Variants in PITPNM2 observed in about 807,000 individuals in gnomAD.
PITPNM2 encodes membrane-associated phosphatidylinositol transfer protein 2.
A neutral mutation model predicts 132.2 loss-of-function variants in PITPNM2; 35 were observed. The observed-to-expected ratio is 0.26, with a 90% CI of 0.20 to 0.35. PITPNM2 has a LOEUF of 0.35. Ranked by LOEUF, PITPNM2 falls within the 10% of genes least tolerant of loss-of-function variation. The pLI is 1.00. For synonymous variants in PITPNM2, 738 were observed against 799.2 expected, an observed-to-expected ratio of 0.92 and a Z score of 1.29; for missense variants, 1,332 against 1,912.0, an observed-to-expected ratio of 0.70 and a Z score of 5.66.
chr12:122,998,009 T>G (rs1000096373), intron 10 of PITPNM2, among the ~76,000 whole-genome samples: 3 of 152,194 alleles, frequency 2.0e-5, no homozygotes, highest in Non-Finnish European at 4.4e-5. Context: ...CCTGTGTGTG[T>G]CTGTCTTGGC....
chr12:122,995,295 C>A, intron 14 of PITPNM2, 94 bp downstream of exon 14: 1 of 1,484,286 alleles, frequency 6.7e-7, no homozygotes, highest in East Asian at 2.3e-5. Context: ...GCAGACAGCC[C>A]GGGTCTCCTG....
rs1292806210 is a variant in PITPNM2, at chr12:123,106,384, T to A, written c.-96+4001A>T. Among the ~76,000 whole-genome samples, 2 of 151,194 alleles carry A rather than the reference T, an allele frequency of 1.3e-5. No individual in the cohort carries two copies. Among genetic ancestry groups the A allele is most frequent in the Non-Finnish European group, 2.9e-5 (2 of 67,872 alleles). ...GCCTGGGTGGCAGAGCAAGACTCCA[T>A]CTCTAAAATAAGTAAATAATTCCTT... On this transcript the variant is annotated intron_variant, in intron 2 of 25. Coordinates refer to ENST00000320201, the MANE Select transcript of PITPNM2 (RefSeq NM_020845.3). This position sits in a 1 kb window ranked among gnomAD's most constrained non-coding sequence, Gnocchi z 4.4.
intron 2 of PITPNM2, among the ~76,000 whole-genome samples, chr12:123,041,473 G>A (rs1401914385): frequency 6.6e-6 from 1 of 152,148 alleles, no homozygotes; most frequent in Non-Finnish European, 1.5e-5. Flanking sequence ...CTTTCTCCCT[G>A]GTTGAGCTGA....
chr12:123,032,204 C>T lies in PITPNM2; in HGVS notation c.78+2309G>A, dbSNP rs1358274085. 2.6e-5 allele frequency among the ~76,000 whole-genome samples: 4 copies of T among 152,230 alleles called. 1 individual carries two copies. Among genetic ancestry groups the T allele is most frequent in the Non-Finnish European group, 5.9e-5 (4 of 68,046 alleles). ...TCAAAAAAACCCTGAAGTGGCTGGG[C>T]ATCGTGGCTCACGCCTGTAATCCCA... On this transcript the variant is annotated intron_variant, in intron 3 of 25. Coordinates refer to ENST00000320201, the MANE Select transcript of PITPNM2 (RefSeq NM_020845.3).
chr12:123,029,833 G>C (rs2040012167), intron 3 of PITPNM2, among the ~76,000 whole-genome samples: 2 of 150,254 alleles, frequency 1.3e-5, no homozygotes, highest in East Asian at 1.9e-4. Flanking sequence ...GTGTCTGTGT[G>C]TGTGTGTGTG....
intron 2 of PITPNM2, among the ~76,000 whole-genome samples, chr12:123,094,363 T>C (rs1317684067): frequency 6.6e-6 from 1 of 152,160 alleles, no homozygotes; most frequent in Non-Finnish European, 1.5e-5. Context: ...GGGAGGTGAC[T>C]CCGGCTGACC....
chr12:123,010,304 T>G (rs2039131978), intron 5 of PITPNM2, among the ~76,000 whole-genome samples: 1 of 152,172 alleles, frequency 6.6e-6, no homozygotes, highest in Non-Finnish European at 1.5e-5. Context: ...GGTCTTGCTA[T>G]GTTGCCCAGG....
At chr12:123,103,339 C>T (rs1027767336) in intron 2 of PITPNM2, among the ~76,000 whole-genome samples, 1 of 152,190 alleles carries the variant, frequency 6.6e-6, no homozygotes, top group Admixed American at 6.5e-5. Flanking sequence ...CTTATTTGTT[C>T]GGGCCTGACA....
intron 2 of PITPNM2, among the ~76,000 whole-genome samples, chr12:123,110,008 A>T (rs947764774): frequency 6.6e-6 from 1 of 152,206 alleles, no homozygotes; most frequent in Non-Finnish European, 1.5e-5. Context: ...CTCAGGCTGG[A>T]GTGAAGTAGT....
rs935394297 is a variant in PITPNM2 at position 123,108,591 on chromosome 12, C to T, written c.-96+1794G>A. Among the ~76,000 whole-genome samples the T allele has an allele frequency of 6.6e-6, 1 of 152,182 alleles. No individual in the cohort carries two copies. Among genetic ancestry groups the T allele is most frequent in the African/African-American group, 2.4e-5 (1 of 41,444 alleles). Reference sequence around the variant, plus strand: ...GGGCTGAGTGTTACTATGTGCCCTCCCCTACATCCACTCCCAGTAGCTGGG... The same window carrying T: ...GGGCTGAGTGTTACTATGTGCCCTCTCCTACATCCACTCCCAGTAGCTGGG... On this transcript the variant is annotated intron_variant, in intron 2 of 25. Coordinates refer to ENST00000320201, the MANE Select transcript of PITPNM2 (RefSeq NM_020845.3). The surrounding 1 kb of genome is among the most constrained non-coding windows in gnomAD (Gnocchi z 4.4).
chr12:123,064,012 C>T lies in PITPNM2; in HGVS notation c.-95-29327G>A, dbSNP rs1189845330. On this transcript the variant is annotated intron_variant, in intron 2 of 25. Coordinates refer to ENST00000320201, the MANE Select transcript of PITPNM2 (RefSeq NM_020845.3). The surrounding 1 kb of genome is among the most constrained non-coding windows in gnomAD (Gnocchi z 4.0). ...GCAACAGCAGCAGCCGCTATTATTA[C>T]TATAATGATGATGGTGATGGTGATG... Among the ~76,000 whole-genome samples the T allele has an allele frequency of 6.6e-6, 1 of 151,986 alleles. No homozygotes were observed. Among genetic ancestry groups the T allele is most frequent in the Non-Finnish European group, 1.5e-5 (1 of 67,984 alleles).
At chr12:123,145,804 C>T (rs1198759859) in intron 1 of PITPNM2, among the ~76,000 whole-genome samples, 4 of 152,136 alleles carry the variant, frequency 2.6e-5, no homozygotes, top group African/African-American at 9.7e-5. Flanking sequence ...CATAGCAAGA[C>T]GTCGTCTCTA....
chr12:123,135,260 C>T lies in PITPNM2; in HGVS notation c.-200+15493G>A, dbSNP rs114144014. Among the ~76,000 whole-genome samples, 972 of 152,166 alleles carry T rather than the reference C, an allele frequency of 6.4e-3. 12 individuals carry two copies. The highest frequency in any genetic ancestry group is 0.023 in the African/African-American group (938 of 41,530). ...TGCAGCCTATAGGTAGGTTCAGGTTCCATTTTTTTAAAAAAGCAAAAATAA... is the reference window on the plus strand; with the variant it reads ...TGCAGCCTATAGGTAGGTTCAGGTTTCATTTTTTTAAAAAAGCAAAAATAA... On this transcript the variant is annotated intron_variant, in intron 1 of 25. Coordinates refer to ENST00000320201, the MANE Select transcript of PITPNM2 (RefSeq NM_020845.3).
Position 123,117,081 on chromosome 12 carries a change from G to A in PITPNM2, c.-199-6593C>T, listed in dbSNP as rs557891013. On this transcript the variant is annotated intron_variant, in intron 1 of 25. Coordinates refer to ENST00000320201, the MANE Select transcript of PITPNM2 (RefSeq NM_020845.3). The surrounding 1 kb of genome is among the most constrained non-coding windows in gnomAD (Gnocchi z 4.7). ...ACTGATGGTGGCCAAGCTCTCTAGC[G>A]GGTTTGCAGGAAGTTCTACTTCCAT... Among the ~76,000 whole-genome samples, 34 of 152,324 alleles carry A rather than the reference G, an allele frequency of 2.2e-4. No homozygotes were observed. The highest frequency in any genetic ancestry group is 7.9e-4 in the African/African-American group (33 of 41,570).
chr12:123,009,839 G>A lies in PITPNM2; in HGVS notation c.643+11C>T. The A allele has an allele frequency of 1.2e-6, 2 of 1,612,938 alleles. No individual in the cohort carries two copies. The highest frequency in any genetic ancestry group is 2.7e-5 in the African/African-American group (2 of 74,994). Reference sequence around the variant, plus strand: ...GCCCAGCCACTGCCCACCTGGCATGGGTGTGCTCACCGGTGTCGTGGATGA... The same window carrying A: ...GCCCAGCCACTGCCCACCTGGCATGAGTGTGCTCACCGGTGTCGTGGATGA... On this transcript the variant is annotated intron_variant, in intron 6 of 25. Transcript: ENST00000320201. The surrounding 1 kb of genome is among the most constrained non-coding windows in gnomAD (Gnocchi z 4.8).
intron 2 of PITPNM2, among the ~76,000 whole-genome samples, chr12:123,070,111 G>A (rs2041579750): frequency 6.6e-6 from 1 of 152,202 alleles, no homozygotes; most frequent in Non-Finnish European, 1.5e-5. Context: ...GAGTCCAGAG[G>A]TTCTACTAGC....
At chr12:123,024,056 T>G (rs2039766646) in intron 3 of PITPNM2, among the ~76,000 whole-genome samples, 1 of 152,036 alleles carries the variant, frequency 6.6e-6, no homozygotes, top group Non-Finnish European at 1.5e-5. Flanking sequence ...GAGTTCAAGG[T>G]CAGCCTGAGC....
intron 1 of PITPNM2, among the ~76,000 whole-genome samples, chr12:123,121,489 G>A (rs1333021017): frequency 6.6e-6 from 1 of 151,990 alleles, no homozygotes; most frequent in South Asian, 2.1e-4. Context: ...CTTTTTTTGT[G>A]TTTGTGGTTA....
chr12:123,101,068 T>G (rs1364063618), intron 2 of PITPNM2, among the ~76,000 whole-genome samples: 1 of 152,240 alleles, frequency 6.6e-6, no homozygotes, highest in Non-Finnish European at 1.5e-5. Context: ...CTATTTGTTT[T>G]AGGGAAGGAA....
Sources: gnomAD v4.1 joint callset for allele counts (sites outside exome capture counted in the v4.1 genomes callset) on GRCh38, gnomAD v4.1.1 for gene constraint, Gnocchi (gnomAD v3.1) non-coding constraint, MANE v1.5 for transcripts, NCBI Gene and HGNC (gene_info 2026-07-23, HGNC 2026-07-21) for gene names.